The following ZNF808 variants were observed in gnomAD, a reference collection of about 807,000 sequenced individuals.
ZNF808 encodes zinc finger protein 808.
ZNF808 carries 5 observed loss-of-function variants against 8.7 expected under a neutral mutation model. The observed-to-expected ratio is 0.58, with a 90% CI of 0.30 to 1.21. ZNF808 has a LOEUF of 1.21. Ranked by LOEUF, ZNF808 falls within the 50% of genes most tolerant of loss-of-function variation. The pLI is 0.07. For missense variants in ZNF808, 1,103 were observed against 1,098.4 expected (o/e 1.00, Z -0.06); for synonymous variants, 380 against 366.0 (o/e 1.04, Z -0.44).
rs117306371 is a variant in ZNF808, at chr19:52,551,910, G to A, written c.191-1197G>A. On this transcript the variant is annotated intron_variant, in intron 4 of 4. Transcript: ENST00000359798. ...CCCAGGTACTCAGGAGGTTGAGGAA[G>A]GAGAATCACTTCAACCCAGCAGGCA... Among the ~76,000 whole-genome samples the A allele has an allele frequency of 3.6e-4, 55 of 152,200 alleles. No homozygotes were observed. The East Asian group carries it at 0.01, about 29-fold the overall frequency.
chr19:52,559,955 C>T (rs374401146), downstream of ZNF808, among the ~76,000 whole-genome samples: 4 of 152,164 alleles, frequency 2.6e-5, no homozygotes, highest in African/African-American at 4.8e-5. Context: ...ATGTAGAAAA[C>T]ACTTGATTTG....
chr19:52,565,711 A>G (rs2059871497), downstream of ZNF808, among the ~76,000 whole-genome samples: 1 of 152,190 alleles, frequency 6.6e-6, no homozygotes, highest in African/African-American at 2.4e-5. Flanking sequence ...TGTGTATTCA[A>G]TGAAAGGTTG....
At chr19:52,529,531 C>T (rs1324409858) in intron 1 of ZNF808, among the ~76,000 whole-genome samples, 1 of 152,084 alleles carries the variant, frequency 6.6e-6, no homozygotes, top group Non-Finnish European at 1.5e-5. Flanking sequence ...AAATTGGTGT[C>T]TATAAAACAT....
intron 3 of ZNF808, among the ~76,000 whole-genome samples, chr19:52,545,894 C>G (rs1179193328): frequency 6.6e-6 from 1 of 152,150 alleles, no homozygotes; most frequent in African/African-American, 2.4e-5. Flanking sequence ...GTCACATTCT[C>G]TGCACTAGAT....
Position 52,536,284 on chromosome 19 carries a change from T to C in ZNF808, c.-20+3275T>C, listed in dbSNP as rs1375462043. Among the ~76,000 whole-genome samples the C allele has an allele frequency of 3.3e-5, 5 of 152,246 alleles. No homozygotes were observed. In the South Asian group the frequency reaches 8.3e-4, roughly 25 times the overall value. ...GGGCAGTGTATACACTTCCTGTCGC[T>C]TAGTTTTCCTGGTCAAAACCCTGTG... On this transcript the variant is annotated intron_variant, in intron 2 of 4. Coordinates refer to ENST00000359798, the MANE Select transcript of ZNF808 (RefSeq NM_001039886.4).
At chr19:52,563,907 A>T (rs1179624617) in exon 4 of ZNF808, 1 of 276,666 alleles carries the variant, frequency 3.6e-6, no homozygotes, top group Non-Finnish European at 6.9e-6. Flanking sequence ...GAGGCAGAAG[A>T]ATTGCTTGAA....
downstream of ZNF808, among the ~76,000 whole-genome samples, chr19:52,561,091 C>T (rs998762757): frequency 1.3e-5 from 2 of 151,822 alleles, no homozygotes; most frequent in African/African-American, 4.8e-5. Context: ...GAACCACTGT[C>T]AGCAGCGCAG....
Position 52,554,898 on chromosome 19 carries a change from G to C in ZNF808, c.1982G>C (p.Ser661Thr). The C allele has an allele frequency of 6.2e-7, 1 of 1,614,212 alleles. No individual in the cohort carries two copies. Residue 661 changes from serine to threonine, a missense_variant, in exon 5 of 5, where the codon AGT becomes ACT. Ser to Thr is a moderately conservative substitution (Grantham distance 58, BLOSUM62 1). Coordinates refer to ENST00000359798, the MANE Select transcript of ZNF808 (RefSeq NM_001039886.4). The stretch of plus-strand genomic sequence containing the variant: ...TGTAATGAGTGTGGGAAGACCTTCA[G>C]TTACAAGTCATCACTTGTATGGCAT... ...YKCNECGKTF[S>T]YKSSLVWHRR...
At chr19:52,537,588 G>A (rs532449) in intron 2 of ZNF808, among the ~76,000 whole-genome samples, 49,661 of 151,712 alleles carry the variant, frequency 0.33, 8,799 homozygotes, top group East Asian at 0.51. Flanking sequence ...CTCTGTAGGC[G>A]GAGGCTGGAG....
downstream of ZNF808, among the ~76,000 whole-genome samples, chr19:52,567,242 G>A (rs1271013366): frequency 2.0e-5 from 3 of 151,980 alleles, no homozygotes; most frequent in African/African-American, 7.2e-5. Flanking sequence ...GGGAGCCAAT[G>A]CAACCGGCCA....
chr19:52,545,504 G>A (rs2059712113), intron 3 of ZNF808, among the ~76,000 whole-genome samples: 1 of 152,230 alleles, frequency 6.6e-6, no homozygotes, highest in South Asian at 2.1e-4. Flanking sequence ...ATGGGGCCGG[G>A]CCCGGTTGCT....
chr19:52,535,186 C>T (rs1297719334), intron 2 of ZNF808, among the ~76,000 whole-genome samples: 1 of 151,638 alleles, frequency 6.6e-6, no homozygotes, highest in South Asian at 2.1e-4. Flanking sequence ...AAAAAATTAG[C>T]CGAGCGTCGT....
At chr19:52,559,703 G>A (rs546518086), downstream of ZNF808, among the ~76,000 whole-genome samples, 97 of 152,230 alleles carry the variant, frequency 6.4e-4, no homozygotes, top group African/African-American at 2.2e-3. Flanking sequence ...GTGGTACAGG[G>A]TGCTTTATCA....
At chr19:52,528,081 G>T (rs1032276033) in intron 1 of ZNF808, among the ~76,000 whole-genome samples, 1 of 152,032 alleles carries the variant, frequency 6.6e-6, no homozygotes, top group Non-Finnish European at 1.5e-5. Flanking sequence ...GCGTCGCGCC[G>T]CAGCCCCAGT....
rs747633156 is a variant in ZNF808, at chr19:52,555,329, T to C, written c.2413T>C (p.Tyr805His). 6.2e-7 allele frequency: 1 copy of C among 1,614,158 alleles called. No homozygotes were observed. The highest frequency in any genetic ancestry group is 1.3e-5 in the African/African-American group (1 of 75,032). The stretch of plus-strand genomic sequence containing the variant: ...TGACAAGGCTTTCGTGCGTAATTCA[T>C]ACCTGGCAAGACATATTAGAATTCA... Reference protein sequence around the residue: ...VCDKAFVRNSYLARHIRIHTA... With the variant: ...VCDKAFVRNSHLARHIRIHTA... The change falls in exon 5 of 5, where the codon TAC (tyrosine) becomes CAC (histidine). Residue 805 changes from tyrosine to histidine, a missense_variant. Physicochemically the swap from Tyr to His is moderately conservative, Grantham distance 83. Coordinates refer to ENST00000359798, the MANE Select transcript of ZNF808 (RefSeq NM_001039886.4).
intron 3 of ZNF808, among the ~76,000 whole-genome samples, chr19:52,543,996 TA>T (rs1261730332): frequency 6.6e-6 from 1 of 152,024 alleles, no homozygotes; most frequent in Non-Finnish European, 1.5e-5. Flanking sequence ...CCATCTCTAC[TA>T]AAAATACAAA....
chr19:52,551,371 A>G (rs2059774818), intron 4 of ZNF808, among the ~76,000 whole-genome samples: 1 of 151,836 alleles, frequency 6.6e-6, no homozygotes, highest in Non-Finnish European at 1.5e-5. Flanking sequence ...AAAAAAAAAA[A>G]AGTTAGCCAG....
downstream of ZNF808, among the ~76,000 whole-genome samples, chr19:52,568,676 C>G (rs1371891945): frequency 6.6e-6 from 1 of 152,128 alleles, no homozygotes; most frequent in African/African-American, 2.4e-5. Flanking sequence ...AACGCTGACC[C>G]CATTCATTTG....
At chr19:52,537,014 C>T (rs1246402580) in intron 2 of ZNF808, among the ~76,000 whole-genome samples, 1 of 148,024 alleles carries the variant, frequency 6.8e-6, no homozygotes, top group African/African-American at 2.5e-5. Flanking sequence ...TGGAGAAACC[C>T]CATCCCTGCT....
Sources: gnomAD v4.1 joint callset for allele counts (sites outside exome capture counted in the v4.1 genomes callset) on GRCh38, gnomAD v4.1.1 for gene constraint, MANE v1.5 for transcripts, NCBI Gene and HGNC (gene_info 2026-07-23, HGNC 2026-07-21) for gene names.